The following WNT3 variants were observed in gnomAD, a reference collection of about 807,000 sequenced individuals.
The protein encoded by WNT3 is Wnt family member 3, also known as proto-oncogene Wnt-3.
A neutral mutation model predicts 34.2 loss-of-function variants in WNT3; 7 were observed. The ratio of observed to expected loss-of-function variants is 0.20; its 90% CI spans 0.12 to 0.38. WNT3 has a LOEUF of 0.38. WNT3 is among the 10% of genes least tolerant of loss of function. The pLI, the probability that WNT3 is intolerant of heterozygous loss-of-function variation, is 1.00. For missense variants in WNT3, 267 were observed against 499.8 expected, an observed-to-expected ratio of 0.53 and a Z score of 4.44; for synonymous variants, 212 against 211.5, an observed-to-expected ratio of 1.00 and a Z score of -0.02.
chr17:46,791,860 C>T (rs908215288), intron 1 of WNT3, among the ~76,000 whole-genome samples: 7 of 152,084 alleles, frequency 4.6e-5, no homozygotes, highest in African/African-American at 1.7e-4. Context: ...GGCAACACAG[C>T]GAGACGCTGT....
chr17:46,786,965 TCTCA>T (rs1329362942), intron 1 of WNT3, among the ~76,000 whole-genome samples: 1 of 149,164 alleles, frequency 6.7e-6, no homozygotes, highest in Non-Finnish European at 1.5e-5. Context: ...TGAGACAGGG[TCTCA>T]CTCTGTCACA....
chr17:46,810,108 G>C lies in WNT3; in HGVS notation c.80+8410C>G, dbSNP rs548651645. 2.0e-5 allele frequency among the ~76,000 whole-genome samples: 3 copies of C among 149,854 alleles called. No individual in the cohort carries two copies. The Admixed American group carries it at 2.0e-4, about 10-fold the overall frequency. ...TGCAACCTCCGCCTCCCAGGTTCAAGCGATTCTCCTGCCTCAGCCTTCCGA... is the reference window on the plus strand; with the variant it reads ...TGCAACCTCCGCCTCCCAGGTTCAACCGATTCTCCTGCCTCAGCCTTCCGA... On this transcript the variant is annotated intron_variant, in intron 1 of 4. Coordinates refer to ENST00000225512, the MANE Select transcript of WNT3 (RefSeq NM_030753.5).
intron 1 of WNT3, among the ~76,000 whole-genome samples, chr17:46,784,816 C>T (rs1465997770): frequency 6.6e-6 from 1 of 151,188 alleles, no homozygotes; most frequent in African/African-American, 2.4e-5. Flanking sequence ...CGCTCTGTCG[C>T]CCAGGCTGGA....
At chr17:46,801,610 ACT>A (rs1056629664) in intron 1 of WNT3, among the ~76,000 whole-genome samples, 1 of 152,174 alleles carries the variant, frequency 6.6e-6, no homozygotes, top group African/African-American at 2.4e-5. Context: ...ACAGAGCGAG[ACT>A]CTATCTTGAA....
At chr17:46,775,360 G>A (rs2059404731) in intron 1 of WNT3, among the ~76,000 whole-genome samples, 1 of 152,144 alleles carries the variant, frequency 6.6e-6, no homozygotes, top group South Asian at 2.1e-4. Flanking sequence ...GTTGGCCTTG[G>A]CCAATTCGTG....
chr17:46,816,845 G>A (rs2084357151), intron 1 of WNT3, among the ~76,000 whole-genome samples: 1 of 152,174 alleles, frequency 6.6e-6, no homozygotes, highest in African/African-American at 2.4e-5. Context: ...GCGAAAAACG[G>A]CATGGCCTTG....
intron 1 of WNT3, among the ~76,000 whole-genome samples, chr17:46,816,046 G>A (rs569407819): frequency 2.0e-5 from 3 of 152,156 alleles, no homozygotes; most frequent in East Asian, 3.9e-4. Flanking sequence ...CATGAGCACT[G>A]ATATTCATGC....
At chr17:46,816,269 T>C (rs114265252) in intron 1 of WNT3, among the ~76,000 whole-genome samples, 335 of 151,876 alleles carry the variant, frequency 2.2e-3, no homozygotes, top group African/African-American at 7.7e-3. Flanking sequence ...CTCTTACACA[T>C]GTACATACAC....
intron 1 of WNT3, among the ~76,000 whole-genome samples, chr17:46,810,731 G>A (rs911887480): frequency 1.3e-5 from 2 of 152,032 alleles, no homozygotes; most frequent in Non-Finnish European, 2.9e-5. Context: ...ATAGCTGGGT[G>A]ACCTGAACGC....
chr17:46,784,509 G>A (rs377537108), intron 1 of WNT3, among the ~76,000 whole-genome samples: 14 of 152,038 alleles, frequency 9.2e-5, no homozygotes, highest in African/African-American at 3.4e-4. Context: ...GATGCCATAT[G>A]CCAAGGGGTG....
intron 1 of WNT3, among the ~76,000 whole-genome samples, chr17:46,776,201 G>A (rs2059410815): frequency 6.6e-6 from 1 of 152,208 alleles, no homozygotes; most frequent in Non-Finnish European, 1.5e-5. Context: ...GTGCCTGCCT[G>A]GGTCTTCATG....
In WNT3 at chr17:46,779,103, A is replaced by ACC. The variant is rs3219936; in HGVS notation, c.81-5196_81-5195dup. 4.4e-4 allele frequency among the ~76,000 whole-genome samples: 59 copies of ACC among 133,658 alleles called. 3 individuals are homozygous for ACC. The highest frequency in any genetic ancestry group is 4.4e-3 in the East Asian group (17 of 3,898). 87.7% of individuals were successfully genotyped at this position (133,658 alleles called of 152,430 possible). On this transcript the variant is annotated intron_variant, in intron 1 of 4. Coordinates refer to ENST00000225512, the MANE Select transcript of WNT3 (RefSeq NM_030753.5). The stretch of plus-strand genomic sequence containing the variant: ...CACACACACACACACACACACACAC[A>ACC]CCCCAGCCCACTCGGCCTTCCAAAG...
chr17:46,793,331 T>C (rs1157170518), intron 1 of WNT3, among the ~76,000 whole-genome samples: 1 of 145,042 alleles, frequency 6.9e-6, no homozygotes, highest in African/African-American at 2.5e-5. Context: ...GGACAGGGTT[T>C]ATAGAGAGCA....
chr17:46,816,117 A>ACACACACACACACACGCACG (rs1277001497), intron 1 of WNT3, among the ~76,000 whole-genome samples: 2 of 125,140 alleles, frequency 1.6e-5, no homozygotes, highest in African/African-American at 6.3e-5. Context: ...GCACGTACAC[A>ACACACACACACACACGCACG]CACACACACA....
rs1476660022 is a variant in WNT3, at chr17:46,768,156, G to A, written c.*8+156C>T. Among the ~76,000 whole-genome samples the A allele has an allele frequency of 6.6e-6, 1 of 152,192 alleles. No individual in the cohort carries two copies. The highest frequency in any genetic ancestry group is 1.5e-5 in the Non-Finnish European group (1 of 68,036). ...CTGCCCAAGGACCATTCCCACGGAT[G>A]CTTGAAAAATCCTAGCTTCCTATTT... On this transcript the variant is annotated intron_variant, in intron 4 of 4. Coordinates refer to ENST00000225512, the MANE Select transcript of WNT3 (RefSeq NM_030753.5). The surrounding 1 kb of genome is among the most constrained non-coding windows in gnomAD (Gnocchi z 5.0).
intron 1 of WNT3, among the ~76,000 whole-genome samples, chr17:46,788,494 C>A (rs948015959): frequency 1.3e-5 from 2 of 152,194 alleles, no homozygotes; most frequent in African/African-American, 4.8e-5. Flanking sequence ...CTCTTGTTCG[C>A]TTCTGACTCC....
At position 46,768,828 on chromosome 17, in the gene WNT3, C is replaced by A; in HGVS notation, c.589-29G>T. 1.9e-6 allele frequency: 3 copies of A among 1,608,170 alleles called. No homozygotes were observed. Among genetic ancestry groups the A allele is most frequent in the Non-Finnish European group, 2.5e-6 (3 of 1,178,204 alleles). The stretch of plus-strand genomic sequence containing the variant: ...GGGGAGAGAAGTGGCAGCTGGCCAA[C>A]AGACCGACCCCACGAGGGGGCACAT... On this transcript the variant is annotated intron_variant, in intron 3 of 4. Coordinates refer to ENST00000225512, the MANE Select transcript of WNT3 (RefSeq NM_030753.5). This position sits in a 1 kb window ranked among gnomAD's most constrained non-coding sequence, Gnocchi z 5.0.
At chr17:46,767,814 TCA>T (rs1179041955) in intron 4 of WNT3, among the ~76,000 whole-genome samples, 1 of 152,168 alleles carries the variant, frequency 6.6e-6, no homozygotes, top group Admixed American at 6.5e-5. Flanking sequence ...AGATGGAGTC[TCA>T]CTCTGTCGCC....
At chr17:46,787,129 G>T (rs1417240599) in intron 1 of WNT3, among the ~76,000 whole-genome samples, 1 of 152,002 alleles carries the variant, frequency 6.6e-6, no homozygotes, top group Non-Finnish European at 1.5e-5. Context: ...TTGTAGAGAT[G>T]AAGTCCTGCT....
Sources: allele counts gnomAD v4.1 joint callset (sites outside exome capture counted in the v4.1 genomes callset), GRCh38; gene constraint gnomAD v4.1.1; non-coding constraint Gnocchi (gnomAD v3.1); transcripts MANE v1.5; gene names NCBI Gene and HGNC (gene_info 2026-07-23, HGNC 2026-07-21).